Variants in PAIP1 observed in about 807,000 individuals in gnomAD.
PAIP1 encodes the protein polyadenylate-binding protein-interacting protein 1.
In PAIP1, 16 loss-of-function variants were observed where a neutral mutation model predicts 61.3. The observed-to-expected ratio is 0.26, with a 90% CI of 0.18 to 0.40. PAIP1 has a LOEUF of 0.40. PAIP1 is among the 10% of genes least tolerant of loss of function. The pLI is 1.00. For synonymous variants in PAIP1, 187 were observed against 226.2 expected (o/e 0.83, Z 1.56); for missense variants, 416 against 600.9 (o/e 0.69, Z 3.22).
intron 4 of PAIP1, among the ~76,000 whole-genome samples, chr5:43,542,199 A>G (rs1408760047): frequency 6.7e-6 from 1 of 149,594 alleles, no homozygotes; most frequent in African/African-American, 2.5e-5. Flanking sequence ...AAAATCCCAC[A>G]AAAGAACAAA....
At chr5:43,535,016 T>C (rs1747089190) in intron 7 of PAIP1, 46 bp from the exon 8 acceptor site, 2 of 976,990 alleles carry the variant, frequency 2.0e-6, no homozygotes. Context: ...CCATAAGGGC[T>C]GTCAGACCCT....
At chr5:43,544,232 T>G (rs1396736423) in intron 3 of PAIP1, among the ~76,000 whole-genome samples, 8 of 151,108 alleles carry the variant, frequency 5.3e-5, no homozygotes, top group Admixed American at 5.3e-4. Context: ...ACAAATGTCC[T>G]GCTACCCCTC....
In PAIP1 at chr5:43,556,906, C is replaced by CG; in HGVS notation, c.-61dup. On this transcript the variant is annotated 5_prime_UTR_variant, in exon 1 of 11. Transcript: ENST00000306846. ...CTGCCGCTGCGCTCGCGATAGGACGCGGGGGGAAGGCGCCGCGGGTCGGCT... is the reference window on the plus strand; with the variant it reads ...CTGCCGCTGCGCTCGCGATAGGACGCGGGGGGGAAGGCGCCGCGGGTCGGCT... 8.3e-6 allele frequency: 11 copies of CG among 1,328,344 alleles called. No homozygotes were observed. Among genetic ancestry groups the CG allele is most frequent in the Middle Eastern group, 2.8e-4 (1 of 3,564 alleles). 82.3% of individuals were successfully genotyped at this position (1,328,344 alleles called of 1,614,324 possible). A position where few individuals can be genotyped will look rare whatever the true frequency, so the allele number is the denominator to read the frequency against.
intron 2 of PAIP1, among the ~76,000 whole-genome samples, chr5:43,549,019 C>A (rs768958645): frequency 1.3e-5 from 2 of 152,178 alleles, no homozygotes; most frequent in Non-Finnish European, 2.9e-5. Context: ...TGGCTCACTG[C>A]AACCTCCGCC....
intron 8 of PAIP1, among the ~76,000 whole-genome samples, chr5:43,534,555 C>A (rs1280775487): frequency 2.0e-5 from 3 of 152,204 alleles, no homozygotes; most frequent in Non-Finnish European, 4.4e-5. Context: ...GTCTGAGATG[C>A]AGGTCCTTGG....
At chr5:43,543,604 G>A (rs1579919883) in intron 3 of PAIP1, among the ~76,000 whole-genome samples, 2 of 151,984 alleles carry the variant, frequency 1.3e-5, no homozygotes, top group South Asian at 4.1e-4. Context: ...CTTTAAAGAG[G>A]TGATTAATGG....
At chr5:43,532,348 C>T (rs993315509) in intron 9 of PAIP1, among the ~76,000 whole-genome samples, 19 of 151,986 alleles carry the variant, frequency 1.3e-4, no homozygotes, top group African/African-American at 4.3e-4. Flanking sequence ...AAAAGATTCA[C>T]ACAAACACAG....
intron 3 of PAIP1, among the ~76,000 whole-genome samples, chr5:43,546,403 A>G (rs1168907261): frequency 6.6e-6 from 1 of 152,230 alleles, no homozygotes; most frequent in African/African-American, 2.4e-5. Context: ...CAATCCATTT[A>G]TCAGCAGAAA....
upstream of PAIP1, chr5:43,557,124 G>A: frequency 2.2e-6 from 1 of 453,324 alleles, no homozygotes. Flanking sequence ...CGGCAGGGGC[G>A]CAGGCGGGTC....
chr5:43,557,110 G>T (rs542704586), upstream of PAIP1: 2 of 529,320 alleles, frequency 3.8e-6, no homozygotes, highest in South Asian at 1.9e-4. Context: ...CCCCGCCTTC[G>T]GCGCGGCAGG....
intron 4 of PAIP1, among the ~76,000 whole-genome samples, chr5:43,540,120 C>T (rs1304996638): frequency 6.6e-6 from 1 of 152,214 alleles, no homozygotes; most frequent in African/African-American, 2.4e-5. Flanking sequence ...GAAACCCCAG[C>T]ACAGCTTACT....
intron 5 of PAIP1, among the ~76,000 whole-genome samples, chr5:43,537,593 G>C (rs1455640511): frequency 6.6e-6 from 1 of 152,148 alleles, no homozygotes; most frequent in Non-Finnish European, 1.5e-5. Flanking sequence ...ACATTTGATA[G>C]ATTCACATTG....
At chr5:43,554,145 T>C (rs555773135) in intron 2 of PAIP1, among the ~76,000 whole-genome samples, 2 of 152,260 alleles carry the variant, frequency 1.3e-5, no homozygotes, top group East Asian at 3.9e-4. Context: ...TGACTTTATA[T>C]ACTGCTCGAC....
At chr5:43,532,247 G>C (rs894426755) in intron 9 of PAIP1, among the ~76,000 whole-genome samples, 1 of 152,042 alleles carries the variant, frequency 6.6e-6, no homozygotes, top group Non-Finnish European at 1.5e-5. Context: ...AAGAATAAGA[G>C]GAAAGATTTG....
chr5:43,543,495 A>G (rs997514915), intron 3 of PAIP1, among the ~76,000 whole-genome samples: 5 of 152,136 alleles, frequency 3.3e-5, no homozygotes, highest in African/African-American at 4.8e-5. Flanking sequence ...GGGGCAGGAA[A>G]GCACAGACTT....
intron 4 of PAIP1, among the ~76,000 whole-genome samples, chr5:43,541,358 T>G (rs559908423): frequency 7.2e-6 from 1 of 139,228 alleles, no homozygotes; most frequent in Admixed American, 7.3e-5. Context: ...TTCACCATGT[T>G]AGCCAGGATG....
chr5:43,531,417 A>G (rs2112377302), intron 9 of PAIP1, among the ~76,000 whole-genome samples: 1 of 151,512 alleles, frequency 6.6e-6, no homozygotes, highest in South Asian at 2.1e-4. Context: ...AGAAAAAAAA[A>G]AAAAGTGTGT....
rs1747373003 is a variant in PAIP1 at position 43,540,878 on chromosome 5, G to A, written c.735-1843C>T. 4.6e-5 allele frequency among the ~76,000 whole-genome samples: 7 copies of A among 152,030 alleles called. 1 individual carries two copies. In the South Asian group the frequency reaches 1.5e-3, roughly 32 times the overall value. On this transcript the variant is annotated intron_variant, in intron 4 of 10. Coordinates refer to ENST00000306846, the MANE Select transcript of PAIP1 (RefSeq NM_006451.5). ...TCTAATTACACCAGAATTTCAAAGG[G>A]TTCAGACAGGATCTCGGCTTTAAGT...
intron 1 of PAIP1, 100 bp downstream of exon 1, chr5:43,556,482 G>A: frequency 8.3e-7 from 1 of 1,202,990 alleles, no homozygotes; most frequent in Non-Finnish European, 1.0e-6. Flanking sequence ...GGGGAACCGG[G>A]GGTGGGGACC....
Sources: gnomAD v4.1 joint callset for allele counts (sites outside exome capture counted in the v4.1 genomes callset) on GRCh38, gnomAD v4.1.1 for gene constraint, MANE v1.5 for transcripts, NCBI Gene and HGNC (gene_info 2026-07-23, HGNC 2026-07-21) for gene names.